The following ASIC2 variants were observed in gnomAD, a reference collection of about 807,000 sequenced individuals.
ASIC2 encodes acid-sensing ion channel 2.
A neutral mutation model predicts 57.3 loss-of-function variants in ASIC2; 25 were observed. The observed-to-expected ratio is 0.44, with a 90% CI of 0.32 to 0.61. ASIC2 has a LOEUF of 0.61. Ranked by LOEUF, ASIC2 falls within the 20% of genes least tolerant of loss-of-function variation. The pLI is 0.06. For synonymous variants in ASIC2, 319 were observed against 307.5 expected (o/e 1.04, Z -0.39); for missense variants, 641 against 738.1 (o/e 0.87, Z 1.52).
At chr17:33,699,907 C>T (rs909980494) in intron 1 of ASIC2, among the ~76,000 whole-genome samples, 4 of 152,098 alleles carry the variant, frequency 2.6e-5, no homozygotes, top group South Asian at 4.1e-4. Context: ...ACAGGACTTT[C>T]GTTTTTAGCA....
At chr17:33,336,609 G>A (rs1907523411) in intron 1 of ASIC2, among the ~76,000 whole-genome samples, 1 of 152,148 alleles carries the variant, frequency 6.6e-6, no homozygotes, top group Non-Finnish European at 1.5e-5. Flanking sequence ...GTATCGTTTA[G>A]TCCCATTCCA....
intron 1 of ASIC2, among the ~76,000 whole-genome samples, chr17:33,163,825 T>G (rs532252938): frequency 6.6e-6 from 1 of 152,264 alleles, no homozygotes; most frequent in South Asian, 2.1e-4. Context: ...CAGGACCTGT[T>G]GCAGTGTTCA....
At chr17:33,526,786 C>G (rs1344439264) in intron 1 of ASIC2, among the ~76,000 whole-genome samples, 1 of 151,020 alleles carries the variant, frequency 6.6e-6, no homozygotes, top group East Asian at 2.0e-4. Flanking sequence ...CCCCAGAAAA[C>G]CCCAGATTCC....
At chr17:33,827,487 A>G (rs1315414398) in intron 1 of ASIC2, among the ~76,000 whole-genome samples, 4 of 135,852 alleles carry the variant, frequency 2.9e-5, no homozygotes, top group Non-Finnish European at 3.2e-5. Flanking sequence ...GCCCGCCACC[A>G]TGCCTGGCTA....
At chr17:33,785,375 C>T (rs1030925254) in intron 1 of ASIC2, among the ~76,000 whole-genome samples, 1 of 152,130 alleles carries the variant, frequency 6.6e-6, no homozygotes, top group African/African-American at 2.4e-5. Flanking sequence ...GCAGCCCTAG[C>T]AATCTCATTT....
chr17:33,056,448 AC>A (rs1193279651), intron 3 of ASIC2, among the ~76,000 whole-genome samples: 1 of 151,884 alleles, frequency 6.6e-6, no homozygotes, highest in Admixed American at 6.6e-5. Context: ...CTTCCCAGCC[AC>A]CCCCCTCCCT....
At chr17:33,918,752 G>C (rs779071356) in intron 1 of ASIC2, among the ~76,000 whole-genome samples, 1 of 152,214 alleles carries the variant, frequency 6.6e-6, no homozygotes, top group African/African-American at 2.4e-5. Context: ...ATGAGATTAA[G>C]ACATAGCATT....
In ASIC2 at chr17:33,790,670, A is replaced by T. The variant is rs538482579; in HGVS notation, c.555+365308T>A. 3.9e-5 allele frequency among the ~76,000 whole-genome samples: 6 copies of T among 152,178 alleles called. No individual in the cohort carries two copies. In the East Asian group the frequency reaches 1.2e-3, roughly 29 times the overall value. On this transcript the variant is annotated intron_variant, in intron 1 of 9. Coordinates refer to the ASIC2 transcript ENST00000359872. ...CCATAGTTGCATAAGCTGATTTATT[A>T]TAATAAATCACACACATACACACAC...
chr17:33,750,740 T>C (rs1052684273), intron 1 of ASIC2, among the ~76,000 whole-genome samples: 7 of 152,162 alleles, frequency 4.6e-5, no homozygotes, highest in African/African-American at 1.4e-4. Context: ...GGCTAGGGAC[T>C]CAGCAGGGCT....
chr17:33,777,068 C>A (rs1303448315), intron 1 of ASIC2, among the ~76,000 whole-genome samples: 1 of 152,194 alleles, frequency 6.6e-6, no homozygotes, highest in Non-Finnish European at 1.5e-5. Flanking sequence ...TGTAAGCTGG[C>A]ACCAAGCCAA....
At chr17:34,074,387 G>A (rs1909543045) in intron 1 of ASIC2, among the ~76,000 whole-genome samples, 3 of 152,140 alleles carry the variant, frequency 2.0e-5, no homozygotes, top group Admixed American at 2.0e-4. Context: ...GACATGTTAA[G>A]AAATTTGATC....
At chr17:33,779,339 C>T (rs1911379244) in intron 1 of ASIC2, among the ~76,000 whole-genome samples, 1 of 152,082 alleles carries the variant, frequency 6.6e-6, no homozygotes, top group Admixed American at 6.5e-5. Flanking sequence ...CGCTCAAGCC[C>T]CTGGGAACTC....
chr17:33,425,692 T>C (rs1354469672), intron 1 of ASIC2, among the ~76,000 whole-genome samples: 2 of 152,082 alleles, frequency 1.3e-5, no homozygotes, highest in African/African-American at 2.4e-5. Context: ...AAACATAAAT[T>C]ATCTGTCTGG....
chr17:33,579,273 T>TGAAA (rs1490255819), intron 1 of ASIC2, among the ~76,000 whole-genome samples: 1 of 116,092 alleles, frequency 8.6e-6, no homozygotes, highest in Non-Finnish European at 1.6e-5. Flanking sequence ...GTAGCACGAA[T>TGAAA]GAAACTGTGT....
chr17:33,527,019 C>A (rs1914904711), intron 1 of ASIC2, among the ~76,000 whole-genome samples: 1 of 152,220 alleles, frequency 6.6e-6, no homozygotes, highest in Non-Finnish European at 1.5e-5. Context: ...TGATGCTGGG[C>A]TGGCTCAGGA....
At chr17:33,802,466 C>A (rs1041631836) in intron 1 of ASIC2, among the ~76,000 whole-genome samples, 1 of 152,180 alleles carries the variant, frequency 6.6e-6, no homozygotes, top group Non-Finnish European at 1.5e-5. Context: ...AATTTGAGAA[C>A]ACAGAAAAGG....
intron 1 of ASIC2, among the ~76,000 whole-genome samples, chr17:33,904,224 C>G (rs1403992894): frequency 1.3e-5 from 2 of 150,032 alleles, no homozygotes; most frequent in Admixed American, 6.6e-5. Flanking sequence ...GATGGAGAGC[C>G]TTGCTACTCA....
intron 1 of ASIC2, among the ~76,000 whole-genome samples, chr17:33,365,211 G>T (rs997832087): frequency 2.0e-5 from 3 of 152,014 alleles, no homozygotes; most frequent in Non-Finnish European, 2.9e-5. Flanking sequence ...ACTCCAATTC[G>T]CTCTTCAAGA....
chr17:33,653,182 C>T (rs1297528691), intron 1 of ASIC2, among the ~76,000 whole-genome samples: 2 of 152,182 alleles, frequency 1.3e-5, no homozygotes, highest in African/African-American at 4.8e-5. Flanking sequence ...AACTGGAGAT[C>T]CAGATAGCGG....
Sources: allele counts gnomAD v4.1 joint callset (sites outside exome capture counted in the v4.1 genomes callset), GRCh38; gene constraint gnomAD v4.1.1; transcripts MANE v1.5; gene names NCBI Gene and HGNC (gene_info 2026-07-23, HGNC 2026-07-21).